Variants in DCP2 observed in about 807,000 individuals in gnomAD.
DCP2 encodes the protein decapping mRNA 2.
In DCP2, 30 loss-of-function variants were observed where a neutral mutation model predicts 56.1. The observed-to-expected ratio is 0.53, with a 90% CI of 0.40 to 0.73. The LOEUF is 0.73. Among genes scored for constraint, DCP2 ranks in the 30% least tolerant of loss-of-function variants. The pLI, the probability that DCP2 is intolerant of heterozygous loss-of-function variation, is 0.00. For missense variants in DCP2, 533 were observed against 502.7 expected (o/e 1.06, Z -0.58); for synonymous variants, 197 against 163.3 (o/e 1.21, Z -1.57).
rs188416361 is a variant in DCP2 at position 113,011,758 on chromosome 5, G to A, written c.1099+951G>A. ...TTGTTTTTGTTACCTGTGCTTTTGC[G>A]GTCATATCCAAAAAAAAGTCATTGT... On this transcript the variant is annotated intron_variant, in intron 10 of 10. Coordinates refer to ENST00000389063, the MANE Select transcript of DCP2 (RefSeq NM_152624.6). Among the ~76,000 whole-genome samples the A allele has an allele frequency of 1.9e-4, 29 of 152,112 alleles. No individual in the cohort carries two copies. In the East Asian group the frequency reaches 5.2e-3, roughly 27 times the overall value.
intron 1 of DCP2, chr5:112,984,432 C>G (rs1044181874): frequency 6.6e-6 from 1 of 151,910 alleles, no homozygotes; most frequent in Non-Finnish European, 1.5e-5. Flanking sequence ...GGAGAGATAA[C>G]CATACCCAAC....
rs980677429 is a variant in DCP2, at chr5:113,017,459, G to A, written c.*3975G>A. 7.2e-5 allele frequency: 11 copies of A among 152,136 alleles called. No individual in the cohort carries two copies. The highest frequency in any genetic ancestry group is 2.7e-4 in the African/African-American group (11 of 41,436). 9.4% of individuals were successfully genotyped at this position (152,136 alleles called of 1,614,324 possible). ...TGTCCTAAGACTTGAAAGTGCATTT[G>A]TCTAGTTGCCAAAAGTTCTAAAAAT... On this transcript the variant is annotated 3_prime_UTR_variant, in exon 11 of 11. Coordinates refer to ENST00000389063, the MANE Select transcript of DCP2 (RefSeq NM_152624.6).
chr5:113,010,729 G>C, intron 9 of DCP2, 27 bp from the exon 10 acceptor site: 2 of 1,480,894 alleles, frequency 1.4e-6, no homozygotes, highest in Non-Finnish European at 1.8e-6. Context: ...ATGTGTGTGT[G>C]TGTGTGTTTT....
chr5:113,007,506 C>T (rs1429629737), intron 8 of DCP2, among the ~76,000 whole-genome samples: 2 of 151,704 alleles, frequency 1.3e-5, no homozygotes, highest in Non-Finnish European at 2.9e-5. Context: ...GTTCGGGTGA[C>T]TCTTCTGCCT....
rs181023764 is a variant in DCP2 at position 113,013,453 on chromosome 5, A to C, written c.1232A>C (p.His411Pro). Residue 411 changes from histidine to proline, a missense_variant, in exon 11 of 11, where the codon CAT (histidine) becomes CCT (proline). Physicochemically the swap from His to Pro is moderately conservative, Grantham distance 77 (BLOSUM62 -2). This residue lies in a region of DCP2 where 392 missense variants were observed against 346.6 expected (regional missense o/e 1.13). Transcript: ENST00000389063. ...SRAFLSFKFD[H>P]NAIMKILDL ...GCCTTTTTGAGTTTCAAGTTTGACC[A>C]TAATGCTATAATGAAAATCTTGGAC... is the stretch of plus-strand genomic sequence containing the variant. 1.2e-6 allele frequency: 2 copies of C among 1,614,028 alleles called. No homozygotes were observed. The highest frequency in any genetic ancestry group is 1.7e-5 in the Admixed American group (1 of 60,004).
At position 113,003,972 on chromosome 5, in the gene DCP2, A is replaced by G. The variant is rs775093324; in HGVS notation, c.837A>G (p.Leu279=). The part of the protein sequence containing the change: ...SRTKFRHSQQ[L]FPDGSPGDQW... ...CCAAATTCCGCCACAGTCAGCAGTTATTTCCTGACGGTTCTCCTGGTGACC... is the reference window on the plus strand; with the variant it reads ...CCAAATTCCGCCACAGTCAGCAGTTGTTTCCTGACGGTTCTCCTGGTGACC... The change falls in exon 8 of 11, where the codon TTA becomes TTG. Residue 279 remains leucine, a synonymous_variant. Coordinates refer to ENST00000389063, the MANE Select transcript of DCP2 (RefSeq NM_152624.6). The G allele has an allele frequency of 1.2e-6, 2 of 1,614,170 alleles. No homozygotes were observed. Among genetic ancestry groups the G allele is most frequent in the Admixed American group, 1.7e-5 (1 of 60,026 alleles).
intron 2 of DCP2, among the ~76,000 whole-genome samples, chr5:112,988,181 C>T (rs1481361006): frequency 2.0e-5 from 3 of 151,908 alleles, no homozygotes; most frequent in Non-Finnish European, 4.4e-5. Flanking sequence ...TTACTCTGAT[C>T]ATTTGAAAAC....
Position 112,992,778 on chromosome 5 carries a change from A to T in DCP2, c.432+8A>T. The T allele has an allele frequency of 1.3e-6, 2 of 1,557,700 alleles. No individual in the cohort carries two copies. The highest frequency in any genetic ancestry group is 1.7e-6 in the Non-Finnish European group (2 of 1,163,440). ...GATTGTGCTGCTAGAGAGGTAAGTT[A>T]TTCCATTTTGATACACAGTAAATTT... On this transcript the variant is annotated splice_region_variant and intron_variant, in intron 4 of 10. Coordinates refer to ENST00000389063, the MANE Select transcript of DCP2 (RefSeq NM_152624.6).
At chr5:112,994,900 T>G (rs17135246) in intron 4 of DCP2, among the ~76,000 whole-genome samples, 2,930 of 152,214 alleles carry the variant, frequency 0.019, 111 homozygotes, top group African/African-American at 0.067. Context: ...AATTTAAGAC[T>G]GTTTGAAATG....
chr5:113,009,531 A>G (rs542218958), intron 9 of DCP2, among the ~76,000 whole-genome samples: 1 of 152,232 alleles, frequency 6.6e-6, no homozygotes, highest in African/African-American at 2.4e-5. Context: ...AATTGGTACA[A>G]CCTTCTAGAG....
intron 8 of DCP2, among the ~76,000 whole-genome samples, chr5:113,005,318 A>G (rs1254721049): frequency 6.6e-6 from 1 of 152,224 alleles, no homozygotes; most frequent in Non-Finnish European, 1.5e-5. Flanking sequence ...GAACTCAACA[A>G]CAACACAACA....
chr5:113,000,426 C>CACACA (rs1749122786), intron 4 of DCP2, among the ~76,000 whole-genome samples: 1 of 107,024 alleles, frequency 9.3e-6, no homozygotes, highest in African/African-American at 4.7e-5. Context: ...ACACACACAC[C>CACACA]CACACACCCT....
chr5:112,990,704 A>C (rs780007744), intron 2 of DCP2, among the ~76,000 whole-genome samples: 1 of 152,164 alleles, frequency 6.6e-6, no homozygotes. Context: ...GGCCTCCCAA[A>C]GTGCTAGGGT....
chr5:113,000,659 C>T (rs1022034217), intron 4 of DCP2, among the ~76,000 whole-genome samples: 3 of 152,158 alleles, frequency 2.0e-5, no homozygotes, highest in African/African-American at 7.2e-5. Flanking sequence ...GACTTTTACT[C>T]TGATTGGAAT....
At chr5:113,011,315 T>A (rs910870134) in intron 10 of DCP2, among the ~76,000 whole-genome samples, 1 of 152,228 alleles carries the variant, frequency 6.6e-6, no homozygotes, top group African/African-American at 2.4e-5. Context: ...ATACTAAGTA[T>A]GAGTTTTATT....
intron 4 of DCP2, among the ~76,000 whole-genome samples, chr5:112,994,163 C>CTTTTTTTTTTTT (rs771514208): frequency 1.8e-3 from 138 of 74,614 alleles, no homozygotes; most frequent in East Asian, 3.1e-3. Context: ...TTTTTTCTTT[C>CTTTTTTTTTTTT]TTTTTTTTTT....
Position 112,977,052 on chromosome 5 carries a change from C to T in DCP2, c.53+66C>T, listed in dbSNP as rs573362375. On this transcript the variant is annotated intron_variant, in intron 1 of 10. Coordinates refer to ENST00000389063, the MANE Select transcript of DCP2 (RefSeq NM_152624.6). Reference sequence around the variant, plus strand: ...TCTCAGTTTCGCGGACCCCCAGAGGCCTCTGGGTCTTCTTCCCCGCCCACG... The same window carrying T: ...TCTCAGTTTCGCGGACCCCCAGAGGTCTCTGGGTCTTCTTCCCCGCCCACG... 2,247 of 1,311,776 alleles carry T rather than the reference C, an allele frequency of 1.7e-3. 3 individuals carry two copies. The highest frequency in any genetic ancestry group is 2.1e-3 in the Non-Finnish European group (2,028 of 977,654). The allele number at this position is 1,311,776 out of a possible 1,614,324, so 81.3% of individuals were successfully genotyped here.
At chr5:113,001,537 T>G in intron 6 of DCP2, 30 bp from the exon 7 acceptor site, 1 of 1,611,438 alleles carries the variant, frequency 6.2e-7, no homozygotes, top group Non-Finnish European at 8.5e-7. Context: ...GTAGCCATAT[T>G]TTGAAAGTGA....
chr5:112,977,852 GT>G (rs1381060297), intron 1 of DCP2, among the ~76,000 whole-genome samples: 6 of 152,142 alleles, frequency 3.9e-5, no homozygotes, highest in Non-Finnish European at 8.8e-5. Context: ...TTCGTTCACA[GT>G]TACTGTGTTT....
Sources: gnomAD v4.1 joint callset for allele counts (sites outside exome capture counted in the v4.1 genomes callset) on GRCh38, gnomAD v4.1.1 for gene constraint, gnomAD v4.1.1 regional missense constraint, MANE v1.5 for transcripts, NCBI Gene and HGNC (gene_info 2026-07-23, HGNC 2026-07-21) for gene names.